The following RMDN1 variants were observed in gnomAD, a reference collection of about 807,000 sequenced individuals.
The protein encoded by RMDN1 is regulator of microtubule dynamics 1, also known as regulator of microtubule dynamics protein 1.
RMDN1 carries 48 observed loss-of-function variants against 48.9 expected under a neutral mutation model. That is an observed-to-expected ratio of 0.98 (90% CI 0.78 to 1.25). The LOEUF (loss-of-function observed/expected upper bound fraction) is 1.25. Ranked by LOEUF, RMDN1 falls within the 50% of genes most tolerant of loss-of-function variation. RMDN1 has a pLI of 0.00. For missense variants in RMDN1, 418 were observed against 373.4 expected, an observed-to-expected ratio of 1.12 and a Z score of -0.98; for synonymous variants, 148 against 132.6, an observed-to-expected ratio of 1.12 and a Z score of -0.80.
intron 5 of RMDN1, among the ~76,000 whole-genome samples, chr8:86,480,775 G>GT (rs1304878397): frequency 6.6e-6 from 1 of 152,016 alleles, no homozygotes; most frequent in Non-Finnish European, 1.5e-5. Context: ...TAGAAAAAAT[G>GT]TAATTTTAGA....
chr8:86,503,375 A>AAAAAAC (rs1554594040), intron 2 of RMDN1, among the ~76,000 whole-genome samples: 6,787 of 86,950 alleles, frequency 0.078, 388 homozygotes, highest in Non-Finnish European at 0.1. Flanking sequence ...ACAAAACAAA[A>AAAAAAC]AAAAAAAAAA....
At chr8:86,485,649 T>C (rs1815343054) in intron 4 of RMDN1, among the ~76,000 whole-genome samples, 2 of 152,234 alleles carry the variant, frequency 1.3e-5, no homozygotes, top group Non-Finnish European at 2.9e-5. Flanking sequence ...TGCATTGTTA[T>C]AGTAAGAACA....
chr8:86,494,835 A>G, intron 2 of RMDN1: 1 of 318,588 alleles, frequency 3.1e-6, no homozygotes, highest in Non-Finnish European at 6.2e-6. Context: ...TTACCTGGGC[A>G]TCATGGCACA....
At chr8:86,508,457 G>C in intron 1 of RMDN1, 35 bp downstream of exon 1, 2 of 1,534,878 alleles carry the variant, frequency 1.3e-6, no homozygotes, top group Non-Finnish European at 1.8e-6. Flanking sequence ...CACTGAGTAG[G>C]AAGTGAGGAG....
intron 2 of RMDN1, among the ~76,000 whole-genome samples, chr8:86,490,609 G>A (rs534129669): frequency 1.2e-3 from 178 of 149,220 alleles, no homozygotes; most frequent in South Asian, 3.7e-3. Flanking sequence ...GCTTCTGAAC[G>A]GCAAGATACA....
downstream of RMDN1, among the ~76,000 whole-genome samples, chr8:86,469,397 G>A (rs374595557): frequency 2.6e-5 from 4 of 152,070 alleles, no homozygotes; most frequent in Non-Finnish European, 4.4e-5. Flanking sequence ...CCAGATACAC[G>A]ACAGAAAGCC....
chr8:86,489,842 G>C lies in RMDN1; in HGVS notation c.248-1203C>G, dbSNP rs568345625. Among the ~76,000 whole-genome samples the C allele has an allele frequency of 5.1e-5, 7 of 137,360 alleles. No homozygotes were observed. In the South Asian group the frequency reaches 9.4e-4, roughly 19 times the overall value. The allele number at this position is 137,360 out of a possible 152,430, so 90.1% of individuals were successfully genotyped here. ...AAGACTCTGTCTCAAAAAAAAAAAGGGGGGGGATGGGGGTAGTTCTAGTTT... is the reference window on the plus strand; with the variant it reads ...AAGACTCTGTCTCAAAAAAAAAAAGCGGGGGGATGGGGGTAGTTCTAGTTT... On this transcript the variant is annotated intron_variant, in intron 2 of 9. Coordinates refer to ENST00000406452, the MANE Select transcript of RMDN1 (RefSeq NM_016033.3).
At chr8:86,491,476 C>G (rs981606039) in intron 2 of RMDN1, among the ~76,000 whole-genome samples, 1 of 152,158 alleles carries the variant, frequency 6.6e-6, no homozygotes, top group African/African-American at 2.4e-5. Flanking sequence ...CTGACATAGG[C>G]ACTCGGGTGA....
At chr8:86,503,361 C>CAAAACAAAAAA (rs1818616366) in intron 2 of RMDN1, among the ~76,000 whole-genome samples, 1 of 64,672 alleles carries the variant, frequency 1.5e-5, no homozygotes, top group African/African-American at 4.8e-5. Flanking sequence ...CAAAACAAAA[C>CAAAACAAAAAA]AAAACAAAAC....
In RMDN1 at chr8:86,481,839, T is replaced by G. The variant is rs1373389819; in HGVS notation, c.586-1507A>C. ...GGCTTTATTTCCAGGAAACAGTGTG[T>G]TAGTTGGAGCAGTATTTTTTTTTAA... On this transcript the variant is annotated intron_variant, in intron 5 of 9. Transcript: ENST00000406452. The G allele has an allele frequency of 7.9e-6, 7 of 885,152 alleles. No homozygotes were observed. In the Admixed American group the frequency reaches 2.1e-4, roughly 26 times the overall value. 54.8% of individuals were successfully genotyped at this position (885,152 alleles called of 1,614,324 possible). A position where few individuals can be genotyped will look rare whatever the true frequency, so the allele number is the denominator to read the frequency against.
At chr8:86,478,737 G>A (rs1160443174) in intron 7 of RMDN1, 186 bp downstream of exon 7, 6 of 571,112 alleles carry the variant, frequency 1.1e-5, no homozygotes, top group Non-Finnish European at 1.9e-5. Context: ...CACCTAACGG[G>A]GAAAAAGAAA....
chr8:86,471,892 A>G (rs557354164), downstream of RMDN1, among the ~76,000 whole-genome samples: 3 of 152,308 alleles, frequency 2.0e-5, no homozygotes, highest in African/African-American at 7.2e-5. Context: ...GCAAGAAGAA[A>G]AAGATGGGGA....
rs1214112354 is a variant in RMDN1 at position 86,506,997 on chromosome 8, T to C, written c.245A>G (p.Lys82Arg). 1.3e-6 allele frequency: 2 copies of C among 1,552,288 alleles called. No individual in the cohort carries two copies. The highest frequency in any genetic ancestry group is 1.7e-5 in the Admixed American group (1 of 59,136). ...SQAAVVHATAKVEEILEQADY... is the reference protein window; with the variant it reads ...SQAAVVHATARVEEILEQADY... Reference sequence around the variant, plus strand: ...CCATATATCTAATTTATGCTTACCTTTGGCTGTGGCATGAACCACAGCAGC... The same window carrying C: ...CCATATATCTAATTTATGCTTACCTCTGGCTGTGGCATGAACCACAGCAGC... Residue 82 changes from lysine (K) to arginine (R), a missense_variant and splice_region_variant, in exon 2 of 10, where the codon AAA (lysine) becomes AGA (arginine). Transcript: ENST00000406452.
chr8:86,478,225 G>A (rs1049423334), intron 7 of RMDN1: 12 of 152,208 alleles, frequency 7.9e-5, no homozygotes, highest in African/African-American at 2.6e-4. Flanking sequence ...AAATATTGGT[G>A]CATTATTTTA....
intron 2 of RMDN1, among the ~76,000 whole-genome samples, chr8:86,489,064 C>G (rs113925405): frequency 1.8e-3 from 268 of 152,338 alleles, no homozygotes; most frequent in African/African-American, 6.3e-3. Flanking sequence ...CAAGCTTGCT[C>G]TACACAGTCT....
rs1812972087 is a variant in RMDN1 at position 86,474,188 on chromosome 8, C to T, written c.*120G>A. ...AAGCCTAGAATATTTTATATTTACA[C>T]GGTTAAATGGTCACAACATTTAAAA... On this transcript the variant is annotated 3_prime_UTR_variant, in exon 10 of 10. Coordinates refer to ENST00000406452, the MANE Select transcript of RMDN1 (RefSeq NM_016033.3). 3.4e-6 allele frequency: 5 copies of T among 1,465,028 alleles called. No individual in the cohort carries two copies. Among genetic ancestry groups the T allele is most frequent in the Admixed American group, 2.6e-5 (1 of 39,062 alleles). The allele number at this position is 1,465,028 out of a possible 1,614,324, so 90.8% of individuals were successfully genotyped here. A position where few individuals can be genotyped will look rare whatever the true frequency, so the allele number is the denominator to read the frequency against.
At chr8:86,512,025 G>A (rs1014388645), upstream of RMDN1, among the ~76,000 whole-genome samples, 1 of 152,158 alleles carries the variant, frequency 6.6e-6, no homozygotes, top group Non-Finnish European at 1.5e-5. Flanking sequence ...TATCTAACAT[G>A]AATTCAACAC....
chr8:86,474,438 G>A, intron 9 of RMDN1, 80 bp from the exon 10 acceptor site: 3 of 1,145,354 alleles, frequency 2.6e-6, no homozygotes, highest in Non-Finnish European at 3.9e-6. Flanking sequence ...ATAAAGTGGG[G>A]TTTCTAAGAG....
At chr8:86,475,594 T>TG (rs1198838692) in intron 8 of RMDN1, among the ~76,000 whole-genome samples, 1 of 152,122 alleles carries the variant, frequency 6.6e-6, no homozygotes, top group South Asian at 2.1e-4. Context: ...AGAACATTCT[T>TG]GGCTGAAAGA....
Sources: gnomAD v4.1 joint callset for allele counts (sites outside exome capture counted in the v4.1 genomes callset) on GRCh38, gnomAD v4.1.1 for gene constraint, MANE v1.5 for transcripts, NCBI Gene and HGNC (gene_info 2026-07-23, HGNC 2026-07-21) for gene names.